AGBL4: variants seen among roughly 807,000 people sequenced by gnomAD.
AGBL4 encodes the protein cytosolic carboxypeptidase 6.
In AGBL4, 58 loss-of-function variants were observed where a neutral mutation model predicts 66.4. The observed-to-expected ratio is 0.87, with a 90% CI of 0.71 to 1.09. The LOEUF is 1.09. Ranked by LOEUF, AGBL4 falls within the 50% of genes least tolerant of loss-of-function variation. The pLI is 0.00. For missense variants in AGBL4, 579 were observed against 631.0 expected (o/e 0.92, Z 0.88); for synonymous variants, 234 against 222.9 (o/e 1.05, Z -0.44).
intron 2 of AGBL4, chr1:49,846,362 A>C (rs1262452199): frequency 1.9e-6 from 3 of 1,544,016 alleles, no homozygotes; most frequent in Non-Finnish European, 2.7e-6. Flanking sequence ...TACACACAGC[A>C]CCTCCCTTAC....
In AGBL4 at chr1:48,663,111, T is replaced by A. The variant is rs1646133555; in HGVS notation, c.724+41A>T. On this transcript the variant is annotated intron_variant, in intron 7 of 13. Transcript: ENST00000371839. ...CCAGAGATCATCACAGTGTCCCAGT[T>A]GGATGTGGGTATAGGATACCTATGA... 6 of 1,587,374 alleles carry A rather than the reference T, an allele frequency of 3.8e-6. No homozygotes were observed. In the East Asian group the frequency reaches 1.3e-4, roughly 35 times the overall value.
At chr1:49,996,523 A>C (rs1660379616) in intron 1 of AGBL4, among the ~76,000 whole-genome samples, 1 of 152,198 alleles carries the variant, frequency 6.6e-6, no homozygotes, top group Non-Finnish European at 1.5e-5. Context: ...AAGAAAAAGG[A>C]ATAAAAAAAA....
chr1:49,088,976 A>T (rs1226822070), intron 4 of AGBL4, among the ~76,000 whole-genome samples: 2 of 152,062 alleles, frequency 1.3e-5, no homozygotes, highest in East Asian at 3.9e-4. Context: ...TTACATAAAA[A>T]TTAAACAACC....
At chr1:49,215,730 C>T (rs988737824) in intron 4 of AGBL4, among the ~76,000 whole-genome samples, 1 of 152,030 alleles carries the variant, frequency 6.6e-6, no homozygotes, top group Non-Finnish European at 1.5e-5. Context: ...ATCTTCACCT[C>T]GACCGCGTTT....
chr1:49,589,525 G>A (rs549446703), intron 3 of AGBL4, among the ~76,000 whole-genome samples: 2 of 151,936 alleles, frequency 1.3e-5, no homozygotes, highest in South Asian at 4.2e-4. Flanking sequence ...TCAAAGTATT[G>A]GCATTTGTAG....
At chr1:48,647,078 T>C (rs1403036508) in intron 8 of AGBL4, among the ~76,000 whole-genome samples, 1 of 152,204 alleles carries the variant, frequency 6.6e-6, no homozygotes, top group Admixed American at 6.5e-5. Flanking sequence ...TTAGTTATAC[T>C]GGATTTACTG....
intron 6 of AGBL4, among the ~76,000 whole-genome samples, chr1:48,787,762 G>A (rs771628952): frequency 1.3e-5 from 2 of 152,166 alleles, no homozygotes; most frequent in Non-Finnish European, 2.9e-5. Flanking sequence ...AGTTAAGGGC[G>A]AGGCATTTTT....
At chr1:48,962,095 T>TA (rs1354668673) in intron 5 of AGBL4, among the ~76,000 whole-genome samples, 1 of 131,168 alleles carries the variant, frequency 7.6e-6, no homozygotes, top group African/African-American at 3.0e-5. Flanking sequence ...ACTTAAAAGA[T>TA]CCCATCCATC....
chr1:49,517,357 T>A (rs1326802373), intron 3 of AGBL4, among the ~76,000 whole-genome samples: 1 of 151,882 alleles, frequency 6.6e-6, no homozygotes, highest in Non-Finnish European at 1.5e-5. Context: ...AAATGGGTAT[T>A]TCTCCTAGTA....
chr1:49,727,792 T>G (rs1649143440), intron 2 of AGBL4, among the ~76,000 whole-genome samples: 2 of 152,110 alleles, frequency 1.3e-5, no homozygotes, highest in South Asian at 4.1e-4. Context: ...CTGGAAAAAT[T>G]TGCAGGTATC....
At chr1:48,818,915 A>C (rs1309946722) in intron 6 of AGBL4, among the ~76,000 whole-genome samples, 1 of 152,164 alleles carries the variant, frequency 6.6e-6, no homozygotes, top group East Asian at 1.9e-4. Flanking sequence ...CAACCCCACA[A>C]AGTCACTATA....
chr1:49,696,835 A>G (rs1646995448), intron 3 of AGBL4, among the ~76,000 whole-genome samples: 1 of 152,148 alleles, frequency 6.6e-6, no homozygotes, highest in South Asian at 2.1e-4. Flanking sequence ...CCAGCAGCCA[A>G]AGCAAAGGGA....
At position 49,020,411 on chromosome 1, in the gene AGBL4, C is replaced by T. The variant is rs1663158770; in HGVS notation, c.594+25173G>A. Among the ~76,000 whole-genome samples, 4 of 152,124 alleles carry T rather than the reference C, an allele frequency of 2.6e-5. No individual in the cohort carries two copies. The South Asian group carries it at 6.2e-4, about 24-fold the overall frequency. On this transcript the variant is annotated intron_variant, in intron 5 of 13. Transcript: ENST00000371839. The stretch of plus-strand genomic sequence containing the variant: ...GTACCCTTGACAGGTGATCATCTGT[C>T]CAAGATGGGTCTCACCAGTTCTAAA...
At chr1:48,552,787 G>C (rs1644268333) in intron 11 of AGBL4, among the ~76,000 whole-genome samples, 1 of 151,970 alleles carries the variant, frequency 6.6e-6, no homozygotes, top group Admixed American at 6.6e-5. Flanking sequence ...GACTGGGAAG[G>C]GTCTTGGCTT....
chr1:49,971,068 G>C lies in AGBL4; in HGVS notation c.34+52695C>G, dbSNP rs370969987. Among the ~76,000 whole-genome samples, 209 of 152,240 alleles carry C rather than the reference G, an allele frequency of 1.4e-3. 1 individual carries two copies. Among genetic ancestry groups the C allele is most frequent in the African/African-American group, 4.7e-3 (196 of 41,538 alleles). On this transcript the variant is annotated intron_variant, in intron 1 of 13. Transcript: ENST00000371839. ...AGTACTGGATTATTTAAATATAATTGATAAAATTTTTGAACACATTACACT... is the reference window on the plus strand; with the variant it reads ...AGTACTGGATTATTTAAATATAATTCATAAAATTTTTGAACACATTACACT...
At chr1:49,891,527 T>C (rs1421417469) in intron 1 of AGBL4, among the ~76,000 whole-genome samples, 3 of 152,094 alleles carry the variant, frequency 2.0e-5, no homozygotes, top group Non-Finnish European at 4.4e-5. Context: ...CAAAGAATTA[T>C]CTGGCTCAAA....
chr1:48,826,452 C>T (rs2148777040), intron 6 of AGBL4, among the ~76,000 whole-genome samples: 1 of 152,292 alleles, frequency 6.6e-6, no homozygotes, highest in South Asian at 2.1e-4. Context: ...AATCCCAGTC[C>T]ACCACCTGGT....
At chr1:49,548,652 T>C (rs970814704) in intron 3 of AGBL4, among the ~76,000 whole-genome samples, 9 of 152,260 alleles carry the variant, frequency 5.9e-5, no homozygotes, top group Admixed American at 5.2e-4. Context: ...GATTATCTTT[T>C]TGATATGTTG....
At chr1:49,597,257 C>A (rs549999660) in intron 3 of AGBL4, among the ~76,000 whole-genome samples, 1 of 152,184 alleles carries the variant, frequency 6.6e-6, no homozygotes, top group South Asian at 2.1e-4. Context: ...ATATGCTGGA[C>A]AAAATAGACA....
Sources: allele counts gnomAD v4.1 joint callset (sites outside exome capture counted in the v4.1 genomes callset), GRCh38; gene constraint gnomAD v4.1.1; transcripts MANE v1.5; gene names NCBI Gene and HGNC (gene_info 2026-07-23, HGNC 2026-07-21).